BIRC6: variants seen among roughly 807,000 people sequenced by gnomAD.
BIRC6 encodes the protein dual E2 ubiquitin-conjugating enzyme/E3 ubiquitin-protein ligase BIRC6.
Under a neutral mutation model 503.3 loss-of-function variants are expected in BIRC6, and 98 were observed. The ratio of observed to expected loss-of-function variants is 0.19; its 90% CI spans 0.17 to 0.23. The LOEUF is 0.23. BIRC6 is among the 10% of genes least tolerant of loss of function. BIRC6 has a pLI of 1.00. For synonymous variants in BIRC6, 2,240 were observed against 2,078.7 expected, an observed-to-expected ratio of 1.08 and a Z score of -2.11; for missense variants, 5,360 against 5,806.0, an observed-to-expected ratio of 0.92 and a Z score of 2.50.
At chr2:32,455,262 C>T (rs1234442435) in intron 23 of BIRC6, among the ~76,000 whole-genome samples, 1 of 151,618 alleles carries the variant, frequency 6.6e-6, no homozygotes, top group Non-Finnish European at 1.5e-5. Flanking sequence ...TGCCTGTAGT[C>T]CCAGCTACTC....
intron 65 of BIRC6, among the ~76,000 whole-genome samples, chr2:32,560,706 A>G (rs906072911): frequency 6.6e-5 from 10 of 152,094 alleles, no homozygotes; most frequent in African/African-American, 2.4e-4. Flanking sequence ...AGCTGGGACT[A>G]CAGGCACCTG....
intron 65 of BIRC6, among the ~76,000 whole-genome samples, chr2:32,567,543 G>A (rs1402190084): frequency 6.6e-6 from 1 of 152,212 alleles, no homozygotes; most frequent in Non-Finnish European, 1.5e-5. Flanking sequence ...AATTTAGATA[G>A]CGTGTGGCCA....
At chr2:32,534,373 T>G (rs1294117902) in intron 61 of BIRC6, among the ~76,000 whole-genome samples, 3 of 59,192 alleles carry the variant, frequency 5.1e-5, no homozygotes, top group Non-Finnish European at 1.1e-4. Flanking sequence ...AAATTCCATC[T>G]CAAAAAAAAA....
intron 37 of BIRC6, among the ~76,000 whole-genome samples, chr2:32,480,360 G>A (rs181874864): frequency 2.9e-4 from 44 of 152,106 alleles, no homozygotes; most frequent in East Asian, 2.5e-3. Flanking sequence ...TTTAATTATA[G>A]TGCACCCCCA....
chr2:32,580,561 T>C (rs1241972661), intron 66 of BIRC6, among the ~76,000 whole-genome samples: 14 of 152,066 alleles, frequency 9.2e-5, no homozygotes, highest in Non-Finnish European at 7.4e-5. Context: ...AACAGGAATA[T>C]ATCACAGAGT....
intron 17 of BIRC6, among the ~76,000 whole-genome samples, chr2:32,441,827 A>G (rs537890859): frequency 2.0e-5 from 3 of 149,868 alleles, no homozygotes; most frequent in South Asian, 4.2e-4. Flanking sequence ...ATCTCTGGAG[A>G]AAAAAAACAA....
At chr2:32,569,972 T>C (rs535182821) in intron 65 of BIRC6, among the ~76,000 whole-genome samples, 1 of 151,304 alleles carries the variant, frequency 6.6e-6, no homozygotes, top group African/African-American at 2.4e-5. Flanking sequence ...TGAATAAGAG[T>C]GGTGAAAATG....
rs72867250 is a variant in BIRC6, at chr2:32,418,018, G to A, written c.2872+1855G>A. 5.1e-3 allele frequency among the ~76,000 whole-genome samples: 781 copies of A among 152,276 alleles called. 5 individuals carry two copies. Among genetic ancestry groups the A allele is most frequent in the African/African-American group, 0.018 (735 of 41,534 alleles). ...TGGTCTCGAACTGCTGACCTCGAGC[G>A]ATCCGTCTGCCTTGGCCTCCCAAAG... On this transcript the variant is annotated intron_variant, in intron 10 of 73. Coordinates refer to ENST00000421745, the MANE Select transcript of BIRC6 (RefSeq NM_016252.4).
At chr2:32,383,721 G>A (rs1310679056) in intron 3 of BIRC6, among the ~76,000 whole-genome samples, 3 of 151,714 alleles carry the variant, frequency 2.0e-5, no homozygotes, top group South Asian at 2.1e-4. Context: ...TAGTAGAGAC[G>A]GGGTTTCACT....
At chr2:32,525,794 G>A (rs760269146) in intron 59 of BIRC6, among the ~76,000 whole-genome samples, 166 bp downstream of exon 59, 11 of 152,146 alleles carry the variant, frequency 7.2e-5, no homozygotes, top group Non-Finnish European at 1.3e-4. Flanking sequence ...TGAGAGCAAA[G>A]GAGGAGTAAT....
chr2:32,603,189 T>TA (rs1386661869), intron 71 of BIRC6, 106 bp downstream of exon 71: 5 of 742,366 alleles, frequency 6.7e-6, no homozygotes, highest in Admixed American at 6.6e-5. Context: ...TAAAAAAAGA[T>TA]AGATTACTAG....
At chr2:32,400,388 G>A (rs1266438761) in intron 6 of BIRC6, among the ~76,000 whole-genome samples, 2 of 147,126 alleles carry the variant, frequency 1.4e-5, no homozygotes, top group East Asian at 2.0e-4. Context: ...GCCCAGGCTG[G>A]AGTGCAGTGG....
At chr2:32,425,615 C>A (rs983293131) in intron 10 of BIRC6, among the ~76,000 whole-genome samples, 6 of 152,090 alleles carry the variant, frequency 3.9e-5, no homozygotes, top group African/African-American at 1.4e-4. Flanking sequence ...GTGACATTTT[C>A]AAACTATTTG....
chr2:32,520,233 G>A (rs1157011785), intron 57 of BIRC6, among the ~76,000 whole-genome samples: 1 of 152,224 alleles, frequency 6.6e-6, no homozygotes, highest in Non-Finnish European at 1.5e-5. Context: ...TAGATGGTAA[G>A]TGAAACCATG....
intron 70 of BIRC6, among the ~76,000 whole-genome samples, chr2:32,602,280 T>C (rs2062113396): frequency 6.6e-6 from 1 of 152,210 alleles, no homozygotes; most frequent in Non-Finnish European, 1.5e-5. Flanking sequence ...CTTTCTTTCA[T>C]AGCAACATAG....
chr2:32,435,321 C>T (rs909538232), intron 13 of BIRC6, 175 bp from the exon 14 acceptor site: 2 of 248,118 alleles, frequency 8.1e-6, no homozygotes, highest in African/African-American at 2.3e-5. Context: ...TCAAAATTTT[C>T]CTCCAATCAT....
At chr2:32,406,601 A>T in intron 9 of BIRC6, 44 bp downstream of exon 9, 4 of 1,371,290 alleles carry the variant, frequency 2.9e-6, no homozygotes, top group Non-Finnish European at 4.1e-6. Flanking sequence ...AATTCTTTAC[A>T]CAGTTGTGCA....
chr2:32,392,217 A>AT (rs1231548061), intron 5 of BIRC6, 67 bp downstream of exon 5: 18 of 1,139,720 alleles, frequency 1.6e-5, no homozygotes, highest in Admixed American at 7.3e-5. Flanking sequence ...AAATTATCAC[A>AT]TTTTTTTAAC....
chr2:32,467,813 T>TA, intron 27 of BIRC6, 74 bp downstream of exon 27: 1 of 1,441,922 alleles, frequency 6.9e-7, no homozygotes, highest in Non-Finnish European at 9.3e-7. Flanking sequence ...AATATATAAT[T>TA]AAAAAATATA....
Sources: allele counts gnomAD v4.1 joint callset (sites outside exome capture counted in the v4.1 genomes callset), GRCh38; gene constraint gnomAD v4.1.1; transcripts MANE v1.5; gene names NCBI Gene and HGNC (gene_info 2026-07-23, HGNC 2026-07-21).